The following GPC5 variants were observed in gnomAD, a reference collection of about 807,000 sequenced individuals.
The protein encoded by GPC5 is glypican-5.
In GPC5, 47 loss-of-function variants were observed where a neutral mutation model predicts 53.9. The ratio of observed to expected loss-of-function variants is 0.87; its 90% CI spans 0.69 to 1.11. GPC5 has a LOEUF of 1.11. Ranked by LOEUF, GPC5 falls within the 50% of genes most tolerant of loss-of-function variation. The pLI, the probability that GPC5 is intolerant of heterozygous loss-of-function variation, is 0.00. For synonymous variants in GPC5, 286 were observed against 263.3 expected, an observed-to-expected ratio of 1.09 and a Z score of -0.84; for missense variants, 748 against 713.1, an observed-to-expected ratio of 1.05 and a Z score of -0.56.
At chr13:92,066,054 CA>C (rs2041164981) in intron 6 of GPC5, among the ~76,000 whole-genome samples, 1 of 152,006 alleles carries the variant, frequency 6.6e-6, no homozygotes, top group South Asian at 2.1e-4. Flanking sequence ...TCTGTTTTAA[CA>C]GCATGATTAA....
intron 6 of GPC5, among the ~76,000 whole-genome samples, chr13:91,993,618 A>G (rs9523472): frequency 0.4 from 61,537 of 152,024 alleles, 14,476 homozygotes; most frequent in East Asian, 0.75. Flanking sequence ...GTGTGCACGC[A>G]CTCACACACA....
chr13:92,536,265 A>G (rs1429093705), intron 7 of GPC5, among the ~76,000 whole-genome samples: 2 of 151,988 alleles, frequency 1.3e-5, no homozygotes, highest in Non-Finnish European at 2.9e-5. Context: ...GATAGTATTC[A>G]GTTAATAGTT....
At chr13:91,796,021 G>A (rs904669340) in intron 5 of GPC5, among the ~76,000 whole-genome samples, 18 of 152,040 alleles carry the variant, frequency 1.2e-4, no homozygotes, top group South Asian at 1.0e-3. Context: ...AGATGGTGGC[G>A]GGCTACTCCC....
chr13:92,485,392 G>T (rs1325191400), intron 7 of GPC5, among the ~76,000 whole-genome samples: 1 of 152,076 alleles, frequency 6.6e-6, no homozygotes, highest in African/African-American at 2.4e-5. Flanking sequence ...AATAAGGTGA[G>T]TGCAAACTAA....
chr13:91,949,872 A>C (rs2040009931), intron 6 of GPC5, among the ~76,000 whole-genome samples: 1 of 152,160 alleles, frequency 6.6e-6, no homozygotes, highest in African/African-American at 2.4e-5. Flanking sequence ...GCTCTACTAC[A>C]TTTGCATGTC....
chr13:91,706,623 G>A (rs1223604349), intron 3 of GPC5, among the ~76,000 whole-genome samples: 1 of 152,052 alleles, frequency 6.6e-6, no homozygotes, highest in Non-Finnish European at 1.5e-5. Flanking sequence ...GGTTGCTTAT[G>A]ATGGATGGTA....
At position 91,734,304 on chromosome 13, in the gene GPC5, G is replaced by A. The variant is rs143204175; in HGVS notation, c.1154+5639G>A. ...CGAATTTCAGGAATTTCAATTTGGC[G>A]TTCACTCCGTGAGTTGGGGACTCTT... On this transcript the variant is annotated intron_variant, in intron 4 of 7. Coordinates refer to ENST00000377067, the MANE Select transcript of GPC5 (RefSeq NM_004466.6). 2.9e-3 allele frequency among the ~76,000 whole-genome samples: 441 copies of A among 151,336 alleles called. 26 individuals are homozygous for A. The highest frequency in any genetic ancestry group is 0.01 in the African/African-American group (408 of 40,744).
rs78244852 is a variant in GPC5, at chr13:92,789,287, T to C, written c.1562-76995T>C. On this transcript the variant is annotated intron_variant, in intron 7 of 7. Transcript: ENST00000377067. ...TCATGTACACCACATGGACTCTTTA[T>C]GCACAAGTCATGTTTTCTGTTGAAC... Among the ~76,000 whole-genome samples the C allele has an allele frequency of 2.4e-3, 363 of 152,284 alleles. 2 individuals are homozygous for C. Among genetic ancestry groups the C allele is most frequent in the African/African-American group, 8.1e-3 (336 of 41,560 alleles).
intron 5 of GPC5, among the ~76,000 whole-genome samples, chr13:91,783,053 G>T (rs754051548): frequency 1.3e-5 from 2 of 151,618 alleles, no homozygotes; most frequent in Non-Finnish European, 2.9e-5. Context: ...AAGAGTTCGA[G>T]ACCACCCTGG....
chr13:92,170,200 C>G (rs904013710), intron 7 of GPC5, among the ~76,000 whole-genome samples: 5 of 151,548 alleles, frequency 3.3e-5, no homozygotes, highest in Non-Finnish European at 5.9e-5. Context: ...GAGGGTTACT[C>G]TAGTTTCTAT....
chr13:91,732,241 T>C (rs1478738321), intron 4 of GPC5, among the ~76,000 whole-genome samples: 1 of 152,222 alleles, frequency 6.6e-6, no homozygotes, highest in East Asian at 1.9e-4. Flanking sequence ...TGGCGTGAGA[T>C]AGTATCTCAT....
intron 6 of GPC5, among the ~76,000 whole-genome samples, chr13:92,010,397 C>A (rs965971051): frequency 6.6e-6 from 1 of 151,930 alleles, no homozygotes; most frequent in Admixed American, 6.6e-5. Context: ...GTTGACTGAG[C>A]AAATAAATGA....
At chr13:91,783,318 T>C (rs1170868580) in intron 5 of GPC5, among the ~76,000 whole-genome samples, 3 of 152,072 alleles carry the variant, frequency 2.0e-5, no homozygotes, top group Non-Finnish European at 4.4e-5. Context: ...AAAAGGAAAT[T>C]ATATGCAATT....
At chr13:92,123,322 A>G (rs1347831813) in intron 6 of GPC5, among the ~76,000 whole-genome samples, 1 of 152,188 alleles carries the variant, frequency 6.6e-6, no homozygotes, top group Non-Finnish European at 1.5e-5. Flanking sequence ...CAGGAAAGAA[A>G]CTTGCAGCCT....
intron 7 of GPC5, among the ~76,000 whole-genome samples, chr13:92,558,535 G>T (rs1250839047): frequency 2.7e-5 from 4 of 150,214 alleles, no homozygotes; most frequent in Non-Finnish European, 5.9e-5. Context: ...AGTTTTCTCA[G>T]TTAGGGTTAT....
intron 6 of GPC5, among the ~76,000 whole-genome samples, chr13:92,140,405 T>G (rs949174945): frequency 1.3e-5 from 2 of 152,188 alleles, no homozygotes; most frequent in African/African-American, 4.8e-5. Flanking sequence ...TCAGTGGATG[T>G]TCAGTGAGGG....
At chr13:92,392,307 C>T (rs755790932) in intron 7 of GPC5, among the ~76,000 whole-genome samples, 3 of 152,098 alleles carry the variant, frequency 2.0e-5, no homozygotes, top group Non-Finnish European at 4.4e-5. Flanking sequence ...GGGGAAAAGG[C>T]TCCCTATTCA....
At chr13:92,177,704 G>A (rs2042118472) in intron 7 of GPC5, among the ~76,000 whole-genome samples, 1 of 152,004 alleles carries the variant, frequency 6.6e-6, no homozygotes, top group Admixed American at 6.5e-5. Flanking sequence ...AATATTTTTT[G>A]TGGTCTTCAT....
chr13:91,428,946 G>A (rs979142939), intron 1 of GPC5, among the ~76,000 whole-genome samples: 3 of 152,106 alleles, frequency 2.0e-5, no homozygotes, highest in Admixed American at 2.0e-4. Flanking sequence ...TTGAGAGAGA[G>A]TCTCACTCTG....
Sources: allele counts gnomAD v4.1 joint callset (sites outside exome capture counted in the v4.1 genomes callset), GRCh38; gene constraint gnomAD v4.1.1; transcripts MANE v1.5; gene names NCBI Gene and HGNC (gene_info 2026-07-23, HGNC 2026-07-21).